The following SLC12A2 variants were observed in gnomAD, a reference collection of about 807,000 sequenced individuals.
SLC12A2 encodes Na-K-2Cl cotransporter 1.
In SLC12A2, 67 loss-of-function variants were observed where a neutral mutation model predicts 136.3. That is an observed-to-expected ratio of 0.49 (90% confidence interval 0.40 to 0.60). SLC12A2 has a LOEUF of 0.60. Among genes scored for constraint, SLC12A2 ranks in the 20% least tolerant of loss-of-function variants. SLC12A2 has a pLI of 0.00. For missense variants in SLC12A2, 1,322 were observed against 1,534.7 expected, an observed-to-expected ratio of 0.86 and a Z score of 2.32; for synonymous variants, 619 against 562.9, an observed-to-expected ratio of 1.10 and a Z score of -1.41.
At chr5:128,090,163 A>G (rs1760258258) in intron 1 of SLC12A2, among the ~76,000 whole-genome samples, 1 of 152,356 alleles carries the variant, frequency 6.6e-6, no homozygotes, top group Middle Eastern at 3.4e-3. Flanking sequence ...GCAAACAGGT[A>G]AAATTGCAGC....
At chr5:128,153,754 C>T (rs1762784239) in intron 15 of SLC12A2, among the ~76,000 whole-genome samples, 1 of 152,058 alleles carries the variant, frequency 6.6e-6, no homozygotes. Context: ...AAGAGAATTG[C>T]TCTACCCAGT....
At chr5:128,185,339 T>A (rs1763833658) in intron 26 of SLC12A2, among the ~76,000 whole-genome samples, 1 of 152,182 alleles carries the variant, frequency 6.6e-6, no homozygotes, top group African/African-American at 2.4e-5. Context: ...GTCCTTGAGT[T>A]AAATATGATA....
intron 20 of SLC12A2, 129 bp downstream of exon 20, chr5:128,174,795 T>G: frequency 1.4e-6 from 1 of 699,710 alleles, no homozygotes. Context: ...TTCTAGCTGG[T>G]CAGGTAAAAT....
At chr5:128,104,711 C>T (rs977267077) in intron 1 of SLC12A2, among the ~76,000 whole-genome samples, 8 of 151,356 alleles carry the variant, frequency 5.3e-5, no homozygotes, top group Non-Finnish European at 1.2e-4. Flanking sequence ...GGTATGCTTT[C>T]TCAGATGGAT....
chr5:128,176,919 A>G lies in SLC12A2; in HGVS notation c.2930-186A>G, dbSNP rs140688422. Among the ~76,000 whole-genome samples, 402 of 152,176 alleles carry G rather than the reference A, an allele frequency of 2.6e-3. 1 individual carries two copies. Among genetic ancestry groups the G allele is most frequent in the African/African-American group, 9.2e-3 (383 of 41,556 alleles). On this transcript the variant is annotated intron_variant, in intron 20 of 26. Coordinates refer to ENST00000262461, the MANE Select transcript of SLC12A2 (RefSeq NM_001046.3). ...TCATCCTGTAGGGGAGGGGTCTCAA[A>G]TATGTTTGCTTTTTAAAAGCTTCAA...
At chr5:128,124,920 A>G (rs1761727786) in intron 4 of SLC12A2, among the ~76,000 whole-genome samples, 1 of 152,208 alleles carries the variant, frequency 6.6e-6, no homozygotes, top group African/African-American at 2.4e-5. Flanking sequence ...AAACTGAGGT[A>G]GATTTGAAGG....
chr5:128,186,519 G>T lies in SLC12A2; in HGVS notation c.3527G>T (p.Gly1176Val), dbSNP rs1282837128. Residue 1176 changes from glycine (G) to valine (V), a missense_variant, in exon 27 of 27, where the codon GGT (glycine) becomes GTT (valine). Physicochemically the swap from Gly to Val is moderately radical, Grantham distance 109. Transcript: ENST00000262461. ...IVMSLPVARK[G>V]AVSSALYMAW... ...AGGAGTCTCCCAGTTGCACGAAAAG[G>T]TGCTGTGTCTAGTGCTCTCTACATG... is the stretch of plus-strand genomic sequence containing the variant. 1 of 1,612,412 alleles carries T rather than the reference G, an allele frequency of 6.2e-7. No homozygotes were observed. Among genetic ancestry groups the T allele is most frequent in the Non-Finnish European group, 8.5e-7 (1 of 1,179,528 alleles).
At chr5:128,088,975 C>T (rs1006098674) in intron 1 of SLC12A2, among the ~76,000 whole-genome samples, 1 of 152,008 alleles carries the variant, frequency 6.6e-6, no homozygotes, top group African/African-American at 2.4e-5. Flanking sequence ...TCGAGACCAG[C>T]CTTAACAACA....
chr5:128,139,960 T>C (rs566253244), intron 9 of SLC12A2, among the ~76,000 whole-genome samples: 43 of 152,282 alleles, frequency 2.8e-4, no homozygotes, highest in African/African-American at 9.9e-4. Flanking sequence ...AATAATATCA[T>C]GGTGAGCTGA....
chr5:128,182,029 T>C (rs1763722830), intron 23 of SLC12A2, among the ~76,000 whole-genome samples: 1 of 151,552 alleles, frequency 6.6e-6, no homozygotes, highest in Non-Finnish European at 1.5e-5. Context: ...ATTATATTTA[T>C]TGTCTTATTT....
At chr5:128,165,654 G>A (rs1427666003) in intron 17 of SLC12A2, among the ~76,000 whole-genome samples, 1 of 152,170 alleles carries the variant, frequency 6.6e-6, no homozygotes, top group Non-Finnish European at 1.5e-5. Flanking sequence ...AAAGGATTTA[G>A]GGATGAGAGT....
At chr5:128,112,041 C>G (rs1034511893) in intron 1 of SLC12A2, among the ~76,000 whole-genome samples, 1 of 152,122 alleles carries the variant, frequency 6.6e-6, no homozygotes, top group African/African-American at 2.4e-5. Context: ...AAACCATCTC[C>G]CCTTTCCTTT....
intron 18 of SLC12A2, chr5:128,170,189 T>C (rs981886073): frequency 6.6e-6 from 1 of 152,214 alleles, no homozygotes; most frequent in Non-Finnish European, 1.5e-5. Flanking sequence ...TAATCCACAG[T>C]AAACTTGGGG....
Position 128,162,693 on chromosome 5 carries a change from C to T in SLC12A2, c.2616+893C>T, listed in dbSNP as rs189933982. On this transcript the variant is annotated intron_variant, in intron 17 of 26. Transcript: ENST00000262461. ...CAGAGTACAGACAGAAATACCATGTCAGTAACAGAAAAAAAGCGAAAGATA... is the reference window on the plus strand; with the variant it reads ...CAGAGTACAGACAGAAATACCATGTTAGTAACAGAAAAAAAGCGAAAGATA... Among the ~76,000 whole-genome samples, 74 of 152,080 alleles carry T rather than the reference C, an allele frequency of 4.9e-4. No individual in the cohort carries two copies. The East Asian group carries it at 5.8e-3, about 12-fold the overall frequency.
chr5:128,167,619 G>A, intron 17 of SLC12A2, 142 bp from the exon 18 acceptor site: 2 of 509,354 alleles, frequency 3.9e-6, no homozygotes, highest in Non-Finnish European at 6.8e-6. Flanking sequence ...TAATTTATAA[G>A]TAAATATGAA....
intron 24 of SLC12A2, 33 bp downstream of exon 24, chr5:128,182,974 T>TA (rs759805290): frequency 7.5e-7 from 1 of 1,331,768 alleles, no homozygotes; most frequent in East Asian, 2.3e-5. Context: ...GATCCCTTTA[T>TA]AGATGGCCTA....
At chr5:128,131,931 G>A (rs1393265881) in intron 5 of SLC12A2, among the ~76,000 whole-genome samples, 1 of 152,200 alleles carries the variant, frequency 6.6e-6, no homozygotes, top group African/African-American at 2.4e-5. Context: ...CTAGAACTGG[G>A]GAGGCAAAGG....
intron 1 of SLC12A2, among the ~76,000 whole-genome samples, chr5:128,103,992 TA>T (rs1760834274): frequency 6.6e-6 from 1 of 152,220 alleles, no homozygotes; most frequent in Non-Finnish European, 1.5e-5. Flanking sequence ...CAAAATTTAC[TA>T]TGTGTGGTAA....
intron 15 of SLC12A2, among the ~76,000 whole-genome samples, chr5:128,153,675 A>C (rs1280269643): frequency 6.6e-6 from 1 of 152,196 alleles, no homozygotes; most frequent in Non-Finnish European, 1.5e-5. Flanking sequence ...AATCTTTTCC[A>C]TGTTTATTAG....
Sources: gnomAD v4.1 joint callset for allele counts (sites outside exome capture counted in the v4.1 genomes callset) on GRCh38, gnomAD v4.1.1 for gene constraint, MANE v1.5 for transcripts, NCBI Gene and HGNC (gene_info 2026-07-23, HGNC 2026-07-21) for gene names.